GRM8: variants seen among roughly 807,000 people sequenced by gnomAD.
GRM8 encodes glutamate metabotropic receptor 8, also known as metabotropic glutamate receptor 8.
A neutral mutation model predicts 87.2 loss-of-function variants in GRM8; 47 were observed. The ratio of observed to expected loss-of-function variants is 0.54; its 90% CI spans 0.43 to 0.69. GRM8 has a LOEUF of 0.69. Among genes scored for constraint, GRM8 ranks in the 30% least tolerant of loss-of-function variants. GRM8 has a pLI of 0.00. For missense variants in GRM8, 1,019 were observed against 1,139.2 expected (o/e 0.89, Z 1.52); for synonymous variants, 396 against 404.5 (o/e 0.98, Z 0.25).
rs1258494941 is a variant in GRM8, at chr7:127,048,823, AT to A, written c.727+57672del. On this transcript the variant is annotated intron_variant, in intron 3 of 10. Transcript: ENST00000339582. ...TCATGATTTTAGACTAATCATGTAT[AT>A]TTTATATTTTATGAATTTTTAGATA... 8.5e-5 allele frequency among the ~76,000 whole-genome samples: 13 copies of A among 152,344 alleles called. No homozygotes were observed. In the East Asian group the frequency reaches 2.3e-3, roughly 27 times the overall value.
At position 127,106,594 on chromosome 7, in the gene GRM8, A is replaced by G. The variant is rs1825826278; in HGVS notation, c.629T>C (p.Val210Ala). ...AACATAATTCCATCCCAGTGCTGTC[A>G]CGATGTCCACCATGGCTTGGGCTTG... ...SYQAQAMVDI[V>A]TALGWNYVST... The change falls in exon 3 of 11, where the codon GTG (valine) becomes GCG (alanine). Residue 210 changes from valine to alanine, a missense_variant. Physicochemically the swap from Val to Ala is moderately conservative, Grantham distance 64. Transcript: ENST00000339582. 1 of 1,614,004 alleles carries G rather than the reference A, an allele frequency of 6.2e-7. No individual in the cohort carries two copies. Among genetic ancestry groups the G allele is most frequent in the Non-Finnish European group, 8.5e-7 (1 of 1,180,008 alleles).
chr7:126,939,220 T>C (rs986528077), intron 3 of GRM8, among the ~76,000 whole-genome samples: 5 of 152,280 alleles, frequency 3.3e-5, no homozygotes, highest in African/African-American at 1.2e-4. Flanking sequence ...CATTCACTCA[T>C]TTACCATGTG....
intron 6 of GRM8, among the ~76,000 whole-genome samples, chr7:126,823,760 T>C (rs1794510978): frequency 6.6e-6 from 1 of 152,224 alleles, no homozygotes; most frequent in South Asian, 2.1e-4. Context: ...AGCAGCCACA[T>C]TTCAAGGGCT....
chr7:126,618,470 T>A (rs146075534), intron 7 of GRM8, among the ~76,000 whole-genome samples: 48,688 of 152,080 alleles, frequency 0.32, 8,425 homozygotes, highest in East Asian at 0.43. Flanking sequence ...GGCATGGGCA[T>A]GGACTTCATG....
In GRM8 at chr7:126,795,294, A is replaced by C. The variant is rs1276012404; in HGVS notation, c.1157-25229T>G. Among the ~76,000 whole-genome samples, 3 of 152,120 alleles carry C rather than the reference A, an allele frequency of 2.0e-5. 1 individual carries two copies. The highest frequency in any genetic ancestry group is 7.2e-5 in the African/African-American group (3 of 41,434). ...CAGAGTTGAAACAATCTAGCTCAGA[A>C]GCAAAGTGAAGTACCCATCACAGCT... is the stretch of plus-strand genomic sequence containing the variant. On this transcript the variant is annotated intron_variant, in intron 6 of 10. Transcript: ENST00000339582.
In GRM8 at chr7:126,669,116, G is replaced by A. The variant is rs115027825; in HGVS notation, c.1358-59618C>T. On this transcript the variant is annotated intron_variant, in intron 7 of 10. Coordinates refer to ENST00000339582, the MANE Select transcript of GRM8 (RefSeq NM_000845.3). ...CTCACTCATAAGTGGGAGTTGAACA[G>A]CAAGAACACATGGACACAGCAAGGG... Among the ~76,000 whole-genome samples the A allele has an allele frequency of 7.8e-3, 1,187 of 152,204 alleles. 20 individuals carry two copies. The highest frequency in any genetic ancestry group is 0.027 in the African/African-American group (1,124 of 41,534).
At chr7:126,909,462 A>G (rs117991057) in intron 3 of GRM8, among the ~76,000 whole-genome samples, 15,637 of 152,058 alleles carry the variant, frequency 0.1, 971 homozygotes, top group East Asian at 0.22. Context: ...TCCATGTCTC[A>G]GTCTGAAAGA....
At chr7:126,691,219 T>C (rs887711957) in intron 7 of GRM8, among the ~76,000 whole-genome samples, 1 of 152,202 alleles carries the variant, frequency 6.6e-6, no homozygotes, top group African/African-American at 2.4e-5. Context: ...CAGAGGGGGC[T>C]AAGGTGGCAG....
intron 3 of GRM8, among the ~76,000 whole-genome samples, chr7:127,015,694 T>C (rs946751603): frequency 6.6e-5 from 10 of 152,228 alleles, no homozygotes; most frequent in Admixed American, 5.2e-4. Flanking sequence ...GAATGTTCCT[T>C]ATATACAGAA....
chr7:126,563,325 A>C (rs1793908246), intron 8 of GRM8, among the ~76,000 whole-genome samples: 2 of 152,212 alleles, frequency 1.3e-5, no homozygotes, highest in African/African-American at 4.8e-5. Flanking sequence ...AATCAAAAAT[A>C]TTCATTATTT....
intron 2 of GRM8, among the ~76,000 whole-genome samples, chr7:127,231,243 T>A (rs997664823): frequency 6.6e-6 from 1 of 151,454 alleles, no homozygotes; most frequent in Non-Finnish European, 1.5e-5. Context: ...CTTCTCTTGA[T>A]GGGGGAAAAA....
intron 3 of GRM8, among the ~76,000 whole-genome samples, chr7:126,937,532 C>A (rs1806465072): frequency 1.3e-5 from 2 of 152,286 alleles, no homozygotes; most frequent in East Asian, 1.9e-4. Context: ...TTATCTAACA[C>A]CCACCACAGA....
intron 6 of GRM8, among the ~76,000 whole-genome samples, chr7:126,772,164 T>A (rs750248655): frequency 6.6e-6 from 1 of 152,058 alleles, no homozygotes; most frequent in Non-Finnish European, 1.5e-5. Context: ...CTGGTAACTA[T>A]CCCCTCTTGT....
intron 9 of GRM8, among the ~76,000 whole-genome samples, chr7:126,455,351 C>T (rs922401710): frequency 3.3e-5 from 5 of 151,524 alleles, no homozygotes; most frequent in Non-Finnish European, 5.9e-5. Context: ...CATAAATACA[C>T]CGAGAAGTGA....
At chr7:126,504,974 T>C (rs776639231) in intron 9 of GRM8, among the ~76,000 whole-genome samples, 5 of 152,070 alleles carry the variant, frequency 3.3e-5, no homozygotes, top group Non-Finnish European at 5.9e-5. Context: ...GGAGCCAAGT[T>C]ATAGAGGTTT....
chr7:126,555,844 G>T (rs1197701145), intron 8 of GRM8, among the ~76,000 whole-genome samples: 1 of 152,106 alleles, frequency 6.6e-6, no homozygotes, highest in African/African-American at 2.4e-5. Flanking sequence ...CCACACATTT[G>T]AATATTTTCT....
chr7:127,011,597 T>C (rs1433588550), intron 3 of GRM8, among the ~76,000 whole-genome samples: 1 of 152,186 alleles, frequency 6.6e-6, no homozygotes, highest in Non-Finnish European at 1.5e-5. Flanking sequence ...AAGGAATAGT[T>C]GTAGTTTTTT....
intron 2 of GRM8, among the ~76,000 whole-genome samples, chr7:127,163,039 G>C (rs1281580320): frequency 6.6e-6 from 1 of 152,130 alleles, no homozygotes; most frequent in African/African-American, 2.4e-5. Context: ...GTAAATGCAA[G>C]CCTGAAAAGA....
rs868353437 is a variant in GRM8 at position 127,204,177 on chromosome 7, T to G, written c.510+38518A>C. Among the ~76,000 whole-genome samples, 9 of 152,322 alleles carry G rather than the reference T, an allele frequency of 5.9e-5. No individual in the cohort carries two copies. In the South Asian group the frequency reaches 1.7e-3, roughly 28 times the overall value. ...AAACACTAGAAAGCAGCTTTTAATA[T>G]TCTGTAATGTTCTTTATCAAGCTGT... On this transcript the variant is annotated intron_variant, in intron 2 of 10. Coordinates refer to ENST00000339582, the MANE Select transcript of GRM8 (RefSeq NM_000845.3).
Sources: gnomAD v4.1 joint callset for allele counts (sites outside exome capture counted in the v4.1 genomes callset) on GRCh38, gnomAD v4.1.1 for gene constraint, MANE v1.5 for transcripts, NCBI Gene and HGNC (gene_info 2026-07-23, HGNC 2026-07-21) for gene names.